Variants in FAM83G observed in about 807,000 individuals in gnomAD.
The protein encoded by FAM83G is protein FAM83G.
Under a neutral mutation model 61.5 loss-of-function variants are expected in FAM83G, and 38 were observed. The observed-to-expected ratio is 0.62, with a 90% CI of 0.48 to 0.81. FAM83G has a LOEUF of 0.81. Ranked by LOEUF, FAM83G falls within the 30% of genes least tolerant of loss-of-function variation. FAM83G has a pLI of 0.00. For synonymous variants in FAM83G, 470 were observed against 476.1 expected (o/e 0.99, Z 0.17); for missense variants, 989 against 1,133.6 (o/e 0.87, Z 1.83).
intron 5 of FAM83G, chr17:18,975,945 T>C (rs1263860895): frequency 1.3e-5 from 2 of 152,008 alleles, no homozygotes; most frequent in African/African-American, 4.8e-5. Flanking sequence ...TCCCAGCACT[T>C]TGGGAGGTCG....
rs144946495 is a variant in FAM83G at position 18,979,885 on chromosome 17, C to T, written c.691-212G>A. ...GCTGCTGAGCCGTGAAGCTACAGAG[C>T]GGGCAGGCACTGGTACAAAGGGGTT... On this transcript the variant is annotated intron_variant, in intron 3 of 5. Coordinates refer to ENST00000388995, the MANE Select transcript of FAM83G (RefSeq NM_001039999.3). Among the ~76,000 whole-genome samples, 842 of 152,196 alleles carry T rather than the reference C, an allele frequency of 5.5e-3. 10 individuals carry two copies. The highest frequency in any genetic ancestry group is 0.019 in the African/African-American group (802 of 41,522).
At chr17:18,975,226 T>A (rs1457805910) in intron 5 of FAM83G, among the ~76,000 whole-genome samples, 3 of 152,190 alleles carry the variant, frequency 2.0e-5, no homozygotes, top group Non-Finnish European at 4.4e-5. Context: ...TTCTCCCAAG[T>A]CACAGCAAGC....
rs1196073191 is a variant in FAM83G, at chr17:19,003,781, A to G, written c.261T>C (p.Ser87=). 6 of 1,610,978 alleles carry G rather than the reference A, an allele frequency of 3.7e-6. No individual in the cohort carries two copies. The highest frequency in any genetic ancestry group is 3.4e-6 in the Non-Finnish European group (4 of 1,179,172). Reference sequence around the variant, plus strand: ...CGACCCCATTGTCCTCGGGCCCCTGAGAGGGGCCCGTGCCCCGAGGGTCCT... The same window carrying G: ...CGACCCCATTGTCCTCGGGCCCCTGGGAGGGGCCCGTGCCCCGAGGGTCCT... The part of the protein sequence containing the change: ...GSEDPRGTGP[S]QGPEDNGVGD... The change falls in exon 2 of 6, where the codon TCT becomes TCC. Residue 87 remains serine, a synonymous_variant. Coordinates refer to ENST00000388995, the MANE Select transcript of FAM83G (RefSeq NM_001039999.3). This position sits in a 1 kb window ranked among gnomAD's most constrained non-coding sequence, Gnocchi z 4.5.
chr17:18,977,770 G>A lies in FAM83G; in HGVS notation c.1896C>T (p.Arg632=), dbSNP rs972543410. The A allele has an allele frequency of 1.2e-6, 2 of 1,603,288 alleles. No individual in the cohort carries two copies. Among genetic ancestry groups the A allele is most frequent in the African/African-American group, 1.3e-5 (1 of 74,776 alleles). Residue 632 remains arginine, a synonymous_variant, in exon 5 of 6, where the codon CGC becomes CGT. Coordinates refer to ENST00000388995, the MANE Select transcript of FAM83G (RefSeq NM_001039999.3). ...VREHSVPLRR[R]HSEQVANGPT... is the part of the protein sequence containing the mutation. ...GCCCGTTGGCCACTTGCTCTGAGTG[G>A]CGCCTCCGGAGAGGGACTGAGTGCT... is the stretch of plus-strand genomic sequence containing the variant.
rs371129276 is a variant in FAM83G, at chr17:18,979,627, G to C, written c.737C>G (p.Ser246Trp). Residue 246 changes from serine (S) to tryptophan (W), a missense_variant, in exon 4 of 6, where the codon TCG becomes TGG. Ser to Trp is a radical substitution (Grantham distance 177). This residue lies in a region of FAM83G where 371 missense variants were observed against 404.5 expected (regional missense o/e 0.92). Transcript: ENST00000388995. ...CAGGGCACCCTTGAACTTGGTTGCC[G>C]ACCGCGTGAAGAACTCAGTTCCCCC... ...SSGGTEFFTR[S>W]ATKFKGALAQ... 2 of 1,613,348 alleles carry C rather than the reference G, an allele frequency of 1.2e-6. No individual in the cohort carries two copies. Among genetic ancestry groups the C allele is most frequent in the Non-Finnish European group, 1.7e-6 (2 of 1,179,990 alleles).
chr17:18,993,220 C>T (rs990726908), intron 2 of FAM83G, among the ~76,000 whole-genome samples: 1 of 152,304 alleles, frequency 6.6e-6, no homozygotes, highest in East Asian at 1.9e-4. Flanking sequence ...CGTCCTGCCT[C>T]AAGCCACTGT....
In FAM83G at chr17:18,969,170, CA is replaced by C. The variant is rs763832470; in HGVS notation, c.*2188del. The stretch of plus-strand genomic sequence containing the variant: ...TACACCATCGCAGGTATGGTGCCTG[CA>C]GCAGGGAGGTCCACCCAGGGGACGT... On this transcript the variant is annotated 3_prime_UTR_variant, in exon 6 of 6. Transcript: ENST00000388995. The C allele has an allele frequency of 8.7e-6, 14 of 1,611,872 alleles. 2 individuals are homozygous for C. The South Asian group carries it at 1.5e-4, about 18-fold the overall frequency.
intron 2 of FAM83G, among the ~76,000 whole-genome samples, chr17:18,994,165 T>A (rs1397660482): frequency 3.9e-5 from 6 of 152,182 alleles, no homozygotes; most frequent in African/African-American, 1.4e-4. Flanking sequence ...ACAGCCATGA[T>A]GGAATAACAG....
At chr17:18,995,790 C>T (rs2043552504) in intron 2 of FAM83G, among the ~76,000 whole-genome samples, 2 of 152,072 alleles carry the variant, frequency 1.3e-5, no homozygotes, top group African/African-American at 4.8e-5. Context: ...TGCCTATAAT[C>T]CCAGCTACTT....
intron 2 of FAM83G, among the ~76,000 whole-genome samples, chr17:19,002,152 C>T (rs2043746480): frequency 6.6e-6 from 1 of 152,208 alleles, no homozygotes. Flanking sequence ...TCCTTCCTTA[C>T]TTTTGTCACC....
In FAM83G at chr17:18,969,484, C is replaced by A; in HGVS notation, c.*1875G>T. ...CCACAGCGAGCCCTTTGGAGTCTGG[C>A]ACTGCCCGGCACTGTGCAGGATTCA... On this transcript the variant is annotated 3_prime_UTR_variant, in exon 6 of 6. Transcript: ENST00000388995. 1.4e-6 allele frequency: 2 copies of A among 1,435,896 alleles called. No individual in the cohort carries two copies. The highest frequency in any genetic ancestry group is 1.9e-6 in the Non-Finnish European group (2 of 1,025,662). The allele number at this position is 1,435,896 out of a possible 1,614,324, so 88.9% of individuals were successfully genotyped here. A position where few individuals can be genotyped will look rare whatever the true frequency, so the allele number is the denominator to read the frequency against.
chr17:19,003,767 T>A lies in FAM83G; in HGVS notation c.275A>T (p.Asp92Val). The A allele has an allele frequency of 6.2e-7, 1 of 1,609,376 alleles. No individual in the cohort carries two copies. The highest frequency in any genetic ancestry group is 8.5e-7 in the Non-Finnish European group (1 of 1,178,420). Residue 92 changes from aspartate (D) to valine (V), a missense_variant, in exon 2 of 6, where the codon GAC (aspartate) becomes GTC (valine). By Grantham distance (152) the Asp-to-Val change is radical (BLOSUM62 -3). Coordinates refer to ENST00000388995, the MANE Select transcript of FAM83G (RefSeq NM_001039999.3). The surrounding 1 kb of genome is among the most constrained non-coding windows in gnomAD (Gnocchi z 4.5). ...RGTGPSQGPE[D>V]NGVGDGEEAS... ...TTCCTCGCCGTCGCCGACCCCATTG[T>A]CCTCGGGCCCCTGAGAGGGGCCCGT...
At chr17:18,993,143 C>T (rs578018456) in intron 2 of FAM83G, among the ~76,000 whole-genome samples, 2 of 152,296 alleles carry the variant, frequency 1.3e-5, no homozygotes, top group South Asian at 2.1e-4. Context: ...AGCACCTCTT[C>T]AGGGGGGCCC....
At chr17:19,002,577 T>C (rs2043758262) in intron 2 of FAM83G, among the ~76,000 whole-genome samples, 1 of 152,228 alleles carries the variant, frequency 6.6e-6, no homozygotes, top group South Asian at 2.1e-4. Context: ...GGCCCAGACC[T>C]GGCTTCAGAA....
At position 18,996,098 on chromosome 17, in the gene FAM83G, C is replaced by A. The variant is rs1166876725; in HGVS notation, c.522+7422G>T. Among the ~76,000 whole-genome samples, 4 of 150,964 alleles carry A rather than the reference C, an allele frequency of 2.6e-5. No homozygotes were observed. Among genetic ancestry groups the A allele is most frequent in the African/African-American group, 7.3e-5 (3 of 40,872 alleles). On this transcript the variant is annotated intron_variant, in intron 2 of 5. Transcript: ENST00000388995. The surrounding 1 kb of genome is among the most constrained non-coding windows in gnomAD (Gnocchi z 4.4). ...GACTTCTCATCAGAATCACTGCAAG[C>A]CACAAGACAACAGGCAATATCTTTA... is the stretch of plus-strand genomic sequence containing the variant.
intron 2 of FAM83G, among the ~76,000 whole-genome samples, chr17:18,999,277 C>T (rs1440712714): frequency 6.8e-6 from 1 of 148,082 alleles, no homozygotes; most frequent in Non-Finnish European, 1.5e-5. Context: ...GACTTTGTCT[C>T]AAGAAGAAAA....
intron 4 of FAM83G, 168 bp downstream of exon 4, chr17:18,979,381 T>C (rs528496410): frequency 3.7e-6 from 3 of 818,958 alleles, no homozygotes; most frequent in East Asian, 5.5e-5. Flanking sequence ...AGCCCTTCTC[T>C]GCCTGCCTCC....
chr17:18,973,884 GTTTTTTTTT>G (rs35778801), intron 5 of FAM83G, among the ~76,000 whole-genome samples: 11 of 95,726 alleles, frequency 1.1e-4, no homozygotes, highest in South Asian at 3.1e-4. Context: ...TTTTTTTTAA[GTTTTTTTTT>G]TTTTTTTTTT....
rs147655430 is a variant in FAM83G at position 18,991,898 on chromosome 17, C to T, written c.523-3484G>A. Among the ~76,000 whole-genome samples, 297 of 152,314 alleles carry T rather than the reference C, an allele frequency of 1.9e-3. 1 individual carries two copies. The highest frequency in any genetic ancestry group is 6.8e-3 in the African/African-American group (281 of 41,556). ...CCAGGAGGCCCAATGCCCAAGACAA[C>T]CATCTGACTCCTGCCAGGGTGTGGG... On this transcript the variant is annotated intron_variant, in intron 2 of 5. Transcript: ENST00000388995.
Sources: gnomAD v4.1 joint callset for allele counts (sites outside exome capture counted in the v4.1 genomes callset) on GRCh38, gnomAD v4.1.1 for gene constraint, gnomAD v4.1.1 regional missense constraint, Gnocchi (gnomAD v3.1) non-coding constraint, MANE v1.5 for transcripts, NCBI Gene and HGNC (gene_info 2026-07-23, HGNC 2026-07-21) for gene names.